SYT16: variants seen among roughly 807,000 people sequenced by gnomAD.
SYT16 encodes the protein synaptotagmin 16.
SYT16 carries 42 observed loss-of-function variants against 61.4 expected under a neutral mutation model. That is an observed-to-expected ratio of 0.68 (90% confidence interval 0.53 to 0.89). The LOEUF (loss-of-function observed/expected upper bound fraction) is 0.89, where lower values mean the gene tolerates loss of function less well. Among genes scored for constraint, SYT16 ranks in the 40% least tolerant of loss-of-function variants. SYT16 has a pLI of 0.00. For synonymous variants in SYT16, 314 were observed against 302.3 expected, an observed-to-expected ratio of 1.04 and a Z score of -0.40; for missense variants, 804 against 807.3, an observed-to-expected ratio of 1.00 and a Z score of 0.05.
At chr14:62,047,713 T>A (rs1264119417) in intron 3 of SYT16, among the ~76,000 whole-genome samples, 5 of 152,246 alleles carry the variant, frequency 3.3e-5, no homozygotes, top group African/African-American at 9.6e-5. Flanking sequence ...AAAGGCCTTT[T>A]CTGCATCTAT....
At chr14:61,858,374 T>TA (rs948138639) in intron 1 of SYT16, among the ~76,000 whole-genome samples, 4 of 152,016 alleles carry the variant, frequency 2.6e-5, no homozygotes, top group Non-Finnish European at 1.5e-5. Flanking sequence ...AAGGAGATTA[T>TA]AAAAAAATGG....
At chr14:61,953,711 T>C (rs1012747667) in intron 1 of SYT16, among the ~76,000 whole-genome samples, 22 of 152,072 alleles carry the variant, frequency 1.4e-4, no homozygotes, top group African/African-American at 4.8e-4. Context: ...TACCTTTGAT[T>C]GTCACTTCCT....
rs1450213432 is a variant in SYT16 at position 62,112,117 on chromosome 14, A to C, written c.*11410A>C. ...GGTTTTAATGTATTACTATCTTACT[A>C]TTATGTATTGTGTTTAAACAAGACC... On this transcript the variant is annotated 3_prime_UTR_variant, in exon 8 of 8. Coordinates refer to ENST00000683842, the MANE Select transcript of SYT16 (RefSeq NM_001367656.1). The C allele has an allele frequency of 1.3e-5, 2 of 152,122 alleles. No individual in the cohort carries two copies. Among genetic ancestry groups the C allele is most frequent in the African/African-American group, 4.8e-5 (2 of 41,458 alleles). 9.4% of individuals were successfully genotyped at this position (152,122 alleles called of 1,614,324 possible).
At chr14:62,041,211 C>G (rs2054716827) in intron 3 of SYT16, among the ~76,000 whole-genome samples, 1 of 152,148 alleles carries the variant, frequency 6.6e-6, no homozygotes, top group Non-Finnish European at 1.5e-5. Context: ...CTTTCCCACT[C>G]CACTGACTCA....
chr14:61,993,790 ATCAAC>A lies in SYT16; in HGVS notation c.-144-2084_-144-2080del, dbSNP rs1312084911. 1.1e-4 allele frequency among the ~76,000 whole-genome samples: 17 copies of A among 152,322 alleles called. 1 individual carries two copies. The South Asian group carries it at 3.5e-3, about 32-fold the overall frequency. The stretch of plus-strand genomic sequence containing the variant: ...TAACAGTTCTGGATAGAATTTATCC[ATCAAC>A]TTAACCAATTTACTGAGTACATAAT... On this transcript the variant is annotated intron_variant, in intron 2 of 7. Transcript: ENST00000683842.
intron 1 of SYT16, among the ~76,000 whole-genome samples, chr14:61,903,930 CT>C (rs1227013313): frequency 6.6e-6 from 1 of 152,200 alleles, no homozygotes; most frequent in Non-Finnish European, 1.5e-5. Flanking sequence ...CTGCTGAAGA[CT>C]TTGTGGGTTT....
At chr14:61,956,562 C>G (rs936513471) in intron 1 of SYT16, among the ~76,000 whole-genome samples, 1 of 151,980 alleles carries the variant, frequency 6.6e-6, no homozygotes, top group African/African-American at 2.4e-5. Context: ...AAAGACTGTT[C>G]TTTCCCAATT....
At chr14:61,955,832 T>C (rs1044902208) in intron 1 of SYT16, among the ~76,000 whole-genome samples, 1 of 152,108 alleles carries the variant, frequency 6.6e-6, no homozygotes, top group African/African-American at 2.4e-5. Flanking sequence ...GGTCAAGTGG[T>C]AATTCTATGG....
rs1372129940 is a variant in SYT16, at chr14:62,110,260, C to T, written c.*9553C>T. ...AATATCAAGTCACAATTTTTTCAAG[C>T]CTTCATTGTTGCATCTATCAGATGG... On this transcript the variant is annotated 3_prime_UTR_variant, in exon 8 of 8. Transcript: ENST00000683842. The T allele has an allele frequency of 6.6e-6, 1 of 152,056 alleles. No individual in the cohort carries two copies. Among genetic ancestry groups the T allele is most frequent in the African/African-American group, 2.4e-5 (1 of 41,414 alleles). 9.4% of individuals were successfully genotyped at this position (152,056 alleles called of 1,614,324 possible). A position where few individuals can be genotyped will look rare whatever the true frequency, so the allele number is the denominator to read the frequency against.
intron 1 of SYT16, among the ~76,000 whole-genome samples, chr14:61,955,582 G>A (rs1016666436): frequency 2.2e-4 from 33 of 151,982 alleles, no homozygotes; most frequent in African/African-American, 6.7e-4. Context: ...TTAGCATAAT[G>A]TTCTTTAGGT....
At chr14:62,000,045 A>G (rs2052931838) in intron 3 of SYT16, among the ~76,000 whole-genome samples, 2 of 136,940 alleles carry the variant, frequency 1.5e-5, no homozygotes, top group Admixed American at 7.4e-5. Flanking sequence ...TCTATAAATT[A>G]CAAGTTTCTT....
intron 3 of SYT16, among the ~76,000 whole-genome samples, chr14:62,003,441 T>C (rs1408472321): frequency 1.3e-5 from 2 of 151,894 alleles, no homozygotes; most frequent in Non-Finnish European, 2.9e-5. Flanking sequence ...CTTACCAGCT[T>C]GTATGAATCT....
chr14:62,068,891 G>A (rs1222486190), intron 3 of SYT16, among the ~76,000 whole-genome samples: 2 of 152,066 alleles, frequency 1.3e-5, no homozygotes, highest in Non-Finnish European at 2.9e-5. Flanking sequence ...CACTTCCTGG[G>A]TTCAAGTGAT....
intron 1 of SYT16, among the ~76,000 whole-genome samples, chr14:61,873,163 T>G (rs138526958): frequency 6.6e-6 from 1 of 152,364 alleles, no homozygotes; most frequent in African/African-American, 2.4e-5. Flanking sequence ...TATAAAAACC[T>G]GTGAAATTTA....
At chr14:61,815,932 G>A (rs1167699982) in intron 1 of SYT16, among the ~76,000 whole-genome samples, 1 of 152,146 alleles carries the variant, frequency 6.6e-6, no homozygotes, top group South Asian at 2.1e-4. Flanking sequence ...ACTTTAATCT[G>A]TTTGTAAGAA....
At chr14:61,872,893 A>C (rs1192595946) in intron 1 of SYT16, among the ~76,000 whole-genome samples, 1 of 152,234 alleles carries the variant, frequency 6.6e-6, no homozygotes, top group Non-Finnish European at 1.5e-5. Context: ...ACACATTGGT[A>C]AAAATAATTC....
chr14:61,898,756 A>T (rs2048412319), intron 1 of SYT16, among the ~76,000 whole-genome samples: 1 of 152,140 alleles, frequency 6.6e-6, no homozygotes. Flanking sequence ...CTCTGCTCAG[A>T]GTGTGCCAAC....
chr14:62,069,450 A>C, intron 3 of SYT16, 153 bp from the exon 4 acceptor site: 1 of 703,528 alleles, frequency 1.4e-6, no homozygotes. Context: ...TTTGTGTTGC[A>C]AAAGTGCTTT....
intron 1 of SYT16, among the ~76,000 whole-genome samples, chr14:61,858,166 ATTGGG>A (rs2046843423): frequency 6.6e-6 from 1 of 151,400 alleles, no homozygotes. Context: ...GAAAAAAAAA[ATTGGG>A]GAATCCTAAA....
Sources: gnomAD v4.1 joint callset for allele counts (sites outside exome capture counted in the v4.1 genomes callset) on GRCh38, gnomAD v4.1.1 for gene constraint, MANE v1.5 for transcripts, NCBI Gene and HGNC (gene_info 2026-07-23, HGNC 2026-07-21) for gene names.